OLA1: variants seen among roughly 807,000 people sequenced by gnomAD.
The protein encoded by OLA1 is Obg like ATPase 1.
A neutral mutation model predicts 48.4 loss-of-function variants in OLA1; 14 were observed. That is an observed-to-expected ratio of 0.29 (90% CI 0.19 to 0.45). The LOEUF is 0.45. Ranked by LOEUF, OLA1 falls within the 20% of genes least tolerant of loss-of-function variation. The pLI is 1.00. For missense variants in OLA1, 325 were observed against 467.1 expected, an observed-to-expected ratio of 0.70 and a Z score of 2.80; for synonymous variants, 127 against 150.4, an observed-to-expected ratio of 0.84 and a Z score of 1.14.
chr2:174,124,831 C>T (rs558606775), intron 5 of OLA1, among the ~76,000 whole-genome samples: 1 of 151,908 alleles, frequency 6.6e-6, no homozygotes, highest in Admixed American at 6.6e-5. Context: ...TTTAGTATAC[C>T]TTCCTTCCAA....
At chr2:174,241,820 G>A (rs1366445204) in intron 2 of OLA1, among the ~76,000 whole-genome samples, 1 of 152,140 alleles carries the variant, frequency 6.6e-6, no homozygotes, top group Non-Finnish European at 1.5e-5. Context: ...ATTTTTAGTA[G>A]ACATGGGGTT....
intron 8 of OLA1, 21 bp from the exon 9 acceptor site, chr2:174,081,269 T>A (rs771736588): frequency 6.4e-7 from 1 of 1,574,194 alleles, no homozygotes; most frequent in Non-Finnish European, 8.7e-7. Context: ...ATGAAACAAA[T>A]TCACCCAACA....
At chr2:174,154,274 T>C (rs2105390806) in intron 4 of OLA1, among the ~76,000 whole-genome samples, 1 of 152,344 alleles carries the variant, frequency 6.6e-6, no homozygotes, top group East Asian at 1.9e-4. Context: ...CGCTATTTTC[T>C]TAACTTACAA....
At chr2:174,155,779 C>A (rs1185160884) in intron 4 of OLA1, among the ~76,000 whole-genome samples, 2 of 152,010 alleles carry the variant, frequency 1.3e-5, no homozygotes, top group Non-Finnish European at 2.9e-5. Flanking sequence ...AGGGATAGAT[C>A]AGCATGAATC....
intron 7 of OLA1, among the ~76,000 whole-genome samples, chr2:174,108,699 C>A (rs1001324758): frequency 6.6e-6 from 1 of 152,080 alleles, no homozygotes; most frequent in African/African-American, 2.4e-5. Flanking sequence ...TTAATGTGTA[C>A]CACATGCAAT....
intron 7 of OLA1, among the ~76,000 whole-genome samples, chr2:174,098,726 G>A (rs1370138228): frequency 6.6e-6 from 1 of 152,138 alleles, no homozygotes; most frequent in Non-Finnish European, 1.5e-5. Context: ...GGGTTATGAT[G>A]AAGATTAAAT....
At position 174,174,035 on chromosome 2, in the gene OLA1, C is replaced by A. The variant is rs1407987494; in HGVS notation, c.374-32035G>T. On this transcript the variant is annotated intron_variant, in intron 4 of 10. Transcript: ENST00000284719. Reference sequence around the variant, plus strand: ...ATACATACACACACACACACACACACAAAAAAAAAAAAAAAAACAAAAAAA... The same window carrying A: ...ATACATACACACACACACACACACAAAAAAAAAAAAAAAAAAACAAAAAAA... 5.7e-3 allele frequency among the ~76,000 whole-genome samples: 765 copies of A among 135,324 alleles called. 6 individuals carry two copies. The highest frequency in any genetic ancestry group is 7.5e-3 in the Non-Finnish European group (456 of 61,112). 88.8% of individuals were successfully genotyped at this position (135,324 alleles called of 152,430 possible). A position where few individuals can be genotyped will look rare whatever the true frequency, so the allele number is the denominator to read the frequency against.
intron 7 of OLA1, among the ~76,000 whole-genome samples, chr2:174,090,920 C>T (rs1685099302): frequency 6.6e-6 from 1 of 152,214 alleles, no homozygotes; most frequent in Non-Finnish European, 1.5e-5. Context: ...AGAGCCTTCC[C>T]TGAACTCCCA....
At chr2:174,185,616 A>T (rs780663903) in intron 4 of OLA1, among the ~76,000 whole-genome samples, 3 of 152,144 alleles carry the variant, frequency 2.0e-5, no homozygotes, top group Non-Finnish European at 2.9e-5. Flanking sequence ...AGAATTACAC[A>T]AACAAACTGA....
chr2:174,182,351 CCT>C (rs562676233), intron 4 of OLA1, among the ~76,000 whole-genome samples: 2 of 152,016 alleles, frequency 1.3e-5, no homozygotes, highest in Admixed American at 6.6e-5. Flanking sequence ...ATGAAGAACC[CCT>C]GTCTCTACTA....
Position 174,073,488 on chromosome 2 carries a change from TG to T in OLA1, c.*1937del, listed in dbSNP as rs888404120. 9.9e-5 allele frequency: 15 copies of T among 152,252 alleles called. No homozygotes were observed. The highest frequency in any genetic ancestry group is 3.6e-4 in the African/African-American group (15 of 41,458). 9.4% of individuals were successfully genotyped at this position (152,252 alleles called of 1,614,324 possible). On this transcript the variant is annotated 3_prime_UTR_variant, in exon 11 of 11. Transcript: ENST00000284719. ...TCGACTTTCAGAGAAAATGAAATTT[TG>T]TATATGTACATACAATGTTGTAGAA...
chr2:174,243,040 G>C (rs1187504878), intron 2 of OLA1, among the ~76,000 whole-genome samples: 3 of 151,660 alleles, frequency 2.0e-5, no homozygotes. Flanking sequence ...ATGGAGTCTC[G>C]CTCTGTCACC....
intron 5 of OLA1, among the ~76,000 whole-genome samples, chr2:174,141,536 A>G (rs1686446530): frequency 6.6e-6 from 1 of 152,192 alleles, no homozygotes; most frequent in South Asian, 2.1e-4. Context: ...TAAGTTTTTC[A>G]TCATAAACCA....
intron 4 of OLA1, among the ~76,000 whole-genome samples, chr2:174,163,986 C>T (rs1004607657): frequency 1.3e-5 from 2 of 151,142 alleles, no homozygotes; most frequent in Non-Finnish European, 2.9e-5. Flanking sequence ...GTGGGAGGGA[C>T]CTGGTGGGAG....
chr2:174,086,103 C>T (rs1175766233), intron 7 of OLA1, among the ~76,000 whole-genome samples: 1 of 152,104 alleles, frequency 6.6e-6, no homozygotes, highest in African/African-American at 2.4e-5. Flanking sequence ...GAGAGATCTA[C>T]GGAGGGTCCT....
At chr2:174,077,311 T>C (rs547368814) in intron 10 of OLA1, among the ~76,000 whole-genome samples, 1 of 151,444 alleles carries the variant, frequency 6.6e-6, no homozygotes, top group African/African-American at 2.4e-5. Flanking sequence ...GCACTGGTGT[T>C]AGAAATACAT....
At position 174,085,921 on chromosome 2, in the gene OLA1, CT is replaced by C. The variant is rs543427186; in HGVS notation, c.729-3858del. ...TTCTTAACTCCCCTCTCAAATCCCC[CT>C]GTCCCCATTTGTCATCTGCTAATGA... On this transcript the variant is annotated intron_variant, in intron 7 of 10. Transcript: ENST00000284719. Among the ~76,000 whole-genome samples, 148 of 152,326 alleles carry C rather than the reference CT, an allele frequency of 9.7e-4. 1 individual carries two copies. The Middle Eastern group carries it at 0.014, about 14-fold the overall frequency.
At chr2:174,119,973 A>G (rs1685877331) in intron 7 of OLA1, among the ~76,000 whole-genome samples, 1 of 151,982 alleles carries the variant, frequency 6.6e-6, no homozygotes, top group African/African-American at 2.4e-5. Flanking sequence ...ACACACACAC[A>G]CACACAGTCT....
intron 7 of OLA1, among the ~76,000 whole-genome samples, chr2:174,104,026 T>C (rs1029827489): frequency 5.9e-5 from 9 of 152,232 alleles, no homozygotes; most frequent in Middle Eastern, 3.4e-3. Context: ...TGGAGAAATT[T>C]ATACATTGTG....
Sources: gnomAD v4.1 joint callset for allele counts (sites outside exome capture counted in the v4.1 genomes callset) on GRCh38, gnomAD v4.1.1 for gene constraint, MANE v1.5 for transcripts, NCBI Gene and HGNC (gene_info 2026-07-23, HGNC 2026-07-21) for gene names.